The following ABCC4 variants were observed in gnomAD, a reference collection of about 807,000 sequenced individuals.
ABCC4 encodes ATP binding cassette subfamily C member 4 (PEL blood group).
A neutral mutation model predicts 168.5 loss-of-function variants in ABCC4; 102 were observed. The observed-to-expected ratio is 0.61, with a 90% CI of 0.52 to 0.71. The LOEUF (loss-of-function observed/expected upper bound fraction) is 0.71. ABCC4 is among the 30% of genes least tolerant of loss of function. The pLI is 0.00. For missense variants in ABCC4, 1,402 were observed against 1,605.8 expected, an observed-to-expected ratio of 0.87 and a Z score of 2.17; for synonymous variants, 617 against 590.7, an observed-to-expected ratio of 1.04 and a Z score of -0.65.
At chr13:95,276,008 A>T (rs2040962442) in intron 1 of ABCC4, among the ~76,000 whole-genome samples, 1 of 152,184 alleles carries the variant, frequency 6.6e-6, no homozygotes, top group South Asian at 2.1e-4. Flanking sequence ...ATATTTAGAA[A>T]GACCTAAAAC....
chr13:95,210,510 A>G (rs529582775), intron 5 of ABCC4, among the ~76,000 whole-genome samples, 182 bp downstream of exon 5: 1 of 152,326 alleles, frequency 6.6e-6, no homozygotes, highest in Admixed American at 6.5e-5. Context: ...GTCACAGCTA[A>G]TCAGGAGGCT....
chr13:95,275,615 C>T (rs1248342310), intron 1 of ABCC4, among the ~76,000 whole-genome samples: 1 of 151,480 alleles, frequency 6.6e-6, no homozygotes, highest in African/African-American at 2.4e-5. Flanking sequence ...TTGGCGGTGA[C>T]TCTAGAACTA....
intron 1 of ABCC4, among the ~76,000 whole-genome samples, chr13:95,295,697 G>C (rs1307802274): frequency 6.6e-6 from 1 of 151,300 alleles, no homozygotes; most frequent in African/African-American, 2.4e-5. Context: ...AGGTGCGGTG[G>C]CTCATGCTTG....
rs1347098262 is a variant in ABCC4, at chr13:95,177,838, C to A, written c.1641-45G>T. 7 of 1,545,698 alleles carry A rather than the reference C, an allele frequency of 4.5e-6. No individual in the cohort carries two copies. The African/African-American group carries it at 6.8e-5, about 15-fold the overall frequency. On this transcript the variant is annotated intron_variant, in intron 12 of 30. Coordinates refer to ENST00000645237, the MANE Select transcript of ABCC4 (RefSeq NM_005845.5). ...ATCAGACTCTCACCCAGGAACATGA[C>A]AACTTTCAACAACTGGGATGTTCAT...
At chr13:95,045,726 G>T (rs1414483989) in intron 27 of ABCC4, among the ~76,000 whole-genome samples, 1 of 152,094 alleles carries the variant, frequency 6.6e-6, no homozygotes, top group Admixed American at 6.6e-5. Context: ...AGCTATAGAG[G>T]AACCAAGAGT....
intron 1 of ABCC4, among the ~76,000 whole-genome samples, chr13:95,278,806 G>GA (rs71113905): frequency 0.35 from 11,933 of 34,374 alleles, 4,089 homozygotes; most frequent in Non-Finnish European, 0.39. Context: ...CCCTGTCTCG[G>GA]AAAAAAAAAA....
At chr13:95,295,659 C>T (rs891093270) in intron 1 of ABCC4, among the ~76,000 whole-genome samples, 3 of 148,612 alleles carry the variant, frequency 2.0e-5, no homozygotes, top group South Asian at 4.3e-4. Flanking sequence ...CTCCGTCCCC[C>T]GCCCCTCAAA....
chr13:95,081,415 A>C (rs187694808), intron 21 of ABCC4, among the ~76,000 whole-genome samples: 67 of 152,318 alleles, frequency 4.4e-4, no homozygotes, highest in Middle Eastern at 3.4e-3. Flanking sequence ...AGCGGGCCCA[A>C]ACCATAAAAT....
chr13:95,250,789 G>T (rs1488953768), intron 1 of ABCC4, among the ~76,000 whole-genome samples: 2 of 113,218 alleles, frequency 1.8e-5, no homozygotes, highest in African/African-American at 7.0e-5. Flanking sequence ...TTTTGAGATG[G>T]AGTCTCACTC....
intron 20 of ABCC4, among the ~76,000 whole-genome samples, chr13:95,109,362 T>C (rs1173781259): frequency 6.7e-6 from 1 of 149,396 alleles, no homozygotes; most frequent in Non-Finnish European, 1.5e-5. Context: ...ATTAGAAGGG[T>C]ACATTTGAGG....
chr13:95,204,456 T>C (rs1482042683), intron 8 of ABCC4, among the ~76,000 whole-genome samples: 3 of 152,120 alleles, frequency 2.0e-5, no homozygotes, highest in African/African-American at 7.2e-5. Context: ...TCCCCTGTGC[T>C]GTTCTAGTGA....
chr13:95,152,359 A>G (rs1049559025), intron 19 of ABCC4, among the ~76,000 whole-genome samples: 5 of 152,234 alleles, frequency 3.3e-5, no homozygotes, highest in African/African-American at 1.2e-4. Context: ...TTGCTTAAAG[A>G]GATGCAAATG....
chr13:95,175,752 G>A (rs1380010192), intron 13 of ABCC4, among the ~76,000 whole-genome samples: 2 of 152,234 alleles, frequency 1.3e-5, no homozygotes, highest in Non-Finnish European at 2.9e-5. Context: ...GCCATCAGCA[G>A]GCCAAGAAAG....
At chr13:95,046,130 C>A (rs564979740) in intron 27 of ABCC4, among the ~76,000 whole-genome samples, 1 of 152,188 alleles carries the variant, frequency 6.6e-6, no homozygotes, top group East Asian at 1.9e-4. Flanking sequence ...TTTTATGAAA[C>A]ATACTCACAG....
In ABCC4 at chr13:95,164,054, AAAAG is replaced by A. The variant is rs781636269; in HGVS notation, c.2175+320_2175+323del. On this transcript the variant is annotated intron_variant, in intron 16 of 30. Transcript: ENST00000645237. ...AAACTCCATCTCAAAAAAAAAAAAA[AAAAG>A]AAAGAAAGAAAGAAAGAAAGAATAA... is the stretch of plus-strand genomic sequence containing the variant. Among the ~76,000 whole-genome samples the A allele has an allele frequency of 3.3e-3, 452 of 138,688 alleles. 4 individuals carry two copies. Among genetic ancestry groups the A allele is most frequent in the Middle Eastern group, 4.0e-3 (1 of 250 alleles). The allele number at this position is 138,688 out of a possible 152,430, so 91.0% of individuals were successfully genotyped here. A position where few individuals can be genotyped will look rare whatever the true frequency, so the allele number is the denominator to read the frequency against.
At chr13:95,176,385 C>G (rs1482410191) in intron 13 of ABCC4, among the ~76,000 whole-genome samples, 1 of 151,918 alleles carries the variant, frequency 6.6e-6, no homozygotes, top group Non-Finnish European at 1.5e-5. Flanking sequence ...GTCACAGCTA[C>G]CCGGGAGGCT....
In ABCC4 at chr13:95,206,234, T is replaced by C. The variant is rs116703793; in HGVS notation, c.1161+298A>G. Among the ~76,000 whole-genome samples the C allele has an allele frequency of 4.4e-3, 676 of 152,298 alleles. 4 individuals carry two copies. The highest frequency in any genetic ancestry group is 0.015 in the African/African-American group (641 of 41,556). On this transcript the variant is annotated intron_variant, in intron 8 of 30. Transcript: ENST00000645237. ...ACATAAGAGATGAAATCTATTTGCT[T>C]TTCCTGCTTTTAGACAGCTTAGACA... is the stretch of plus-strand genomic sequence containing the variant.
intron 19 of ABCC4, among the ~76,000 whole-genome samples, chr13:95,131,211 T>G (rs2035946866): frequency 2.0e-5 from 3 of 151,980 alleles, no homozygotes; most frequent in Admixed American, 2.0e-4. Context: ...ACACAGTTTG[T>G]GTTTGATCTA....
At chr13:95,181,060 C>T (rs540150166) in intron 11 of ABCC4, among the ~76,000 whole-genome samples, 87 of 152,326 alleles carry the variant, frequency 5.7e-4, no homozygotes, top group African/African-American at 1.9e-3. Flanking sequence ...AGCAGAAGTG[C>T]TCCCAATGGG....
Sources: allele counts gnomAD v4.1 joint callset (sites outside exome capture counted in the v4.1 genomes callset), GRCh38; gene constraint gnomAD v4.1.1; transcripts MANE v1.5; gene names NCBI Gene and HGNC (gene_info 2026-07-23, HGNC 2026-07-21).